The following NRXN1 variants were observed in gnomAD, a reference collection of about 807,000 sequenced individuals.
NRXN1 encodes the protein neurexin-1.
Under a neutral mutation model 150.9 loss-of-function variants are expected in NRXN1, and 39 were observed. The observed-to-expected ratio is 0.26, with a 90% confidence interval of 0.20 to 0.34. The LOEUF (loss-of-function observed/expected upper bound fraction) is 0.34, where lower values mean the gene tolerates loss of function less well. Ranked by LOEUF, NRXN1 falls within the 10% of genes least tolerant of loss-of-function variation. The probability of loss-of-function intolerance (pLI) is 1.00; values close to 1 mark genes in which losing one functional copy is unlikely to be tolerated. For synonymous variants in NRXN1, 924 were observed against 757.0 expected, an observed-to-expected ratio of 1.22 and a Z score of -3.62; for missense variants, 1,815 against 1,949.9, an observed-to-expected ratio of 0.93 and a Z score of 1.30.
chr2:50,540,862 A>G (rs369419161), intron 9 of NRXN1, among the ~76,000 whole-genome samples: 6 of 152,112 alleles, frequency 3.9e-5, no homozygotes, highest in East Asian at 3.9e-4. Flanking sequence ...GAGTTTTGCA[A>G]TGTTGGCCAG....
chr2:50,580,325 C>T (rs886101936), intron 8 of NRXN1, among the ~76,000 whole-genome samples: 2 of 152,222 alleles, frequency 1.3e-5, no homozygotes, highest in African/African-American at 4.8e-5. Context: ...CACCTACATC[C>T]ATAAACAAAG....
intron 17 of NRXN1, among the ~76,000 whole-genome samples, chr2:50,311,979 A>G (rs907267210): frequency 6.6e-6 from 1 of 152,182 alleles, no homozygotes; most frequent in African/African-American, 2.4e-5. Context: ...CTGGGGAATG[A>G]ATGGCAAAAA....
chr2:50,785,428 T>G (rs1704973890), intron 5 of NRXN1, among the ~76,000 whole-genome samples: 1 of 151,888 alleles, frequency 6.6e-6, no homozygotes, highest in Non-Finnish European at 1.5e-5. Flanking sequence ...TTTTGTATTT[T>G]CAGTAGAGAC....
At chr2:51,015,779 G>T (rs1352027770) in intron 2 of NRXN1, among the ~76,000 whole-genome samples, 1 of 151,902 alleles carries the variant, frequency 6.6e-6, no homozygotes, top group African/African-American at 2.4e-5. Context: ...AAAAGAAAAT[G>T]AATGTCTAAT....
chr2:50,551,415 A>C (rs961153267), intron 9 of NRXN1: 3 of 152,258 alleles, frequency 2.0e-5, no homozygotes, highest in African/African-American at 7.2e-5. Context: ...AGGAAGGATA[A>C]GAGGGAAGTA....
chr2:50,476,814 G>A lies in NRXN1; in HGVS notation c.3071-4343C>T, dbSNP rs78150802. On this transcript the variant is annotated intron_variant, in intron 15 of 22. Transcript: ENST00000401669. Reference sequence around the variant, plus strand: ...GCTCCTTTGACTTAATTTGAAATTCGGTGGCATTGAATCTGGTAATATAAA... The same window carrying A: ...GCTCCTTTGACTTAATTTGAAATTCAGTGGCATTGAATCTGGTAATATAAA... Among the ~76,000 whole-genome samples, 500 of 152,096 alleles carry A rather than the reference G, an allele frequency of 3.3e-3. 4 individuals are homozygous for A. The highest frequency in any genetic ancestry group is 0.012 in the African/African-American group (479 of 41,494).
chr2:50,031,201 C>T (rs77714474), intron 21 of NRXN1, among the ~76,000 whole-genome samples: 2,401 of 152,068 alleles, frequency 0.016, 53 homozygotes, highest in African/African-American at 0.055. Context: ...CTAAAGTATA[C>T]AATTTTATGA....
At chr2:50,483,086 C>T (rs2090601411) in intron 15 of NRXN1, among the ~76,000 whole-genome samples, 1 of 148,926 alleles carries the variant, frequency 6.7e-6, no homozygotes. Flanking sequence ...AATCTGGCCA[C>T]CAAAACCAAG....
chr2:50,204,746 T>C (rs1279216847), intron 18 of NRXN1, among the ~76,000 whole-genome samples: 1 of 151,846 alleles, frequency 6.6e-6, no homozygotes, highest in Non-Finnish European at 1.5e-5. Context: ...GGCCAAAGAG[T>C]GGGTGAGAAA....
intron 2 of NRXN1, among the ~76,000 whole-genome samples, chr2:50,951,669 T>C (rs1221276723): frequency 6.6e-6 from 1 of 152,054 alleles, no homozygotes; most frequent in African/African-American, 2.4e-5. Context: ...GCTCCATTAG[T>C]GTGCAAATGT....
At chr2:50,505,332 A>C (rs2092165862) in intron 13 of NRXN1, among the ~76,000 whole-genome samples, 2 of 152,126 alleles carry the variant, frequency 1.3e-5, no homozygotes, top group African/African-American at 2.4e-5. Flanking sequence ...CTCATCTACA[A>C]AATGGGAATA....
intron 21 of NRXN1, among the ~76,000 whole-genome samples, chr2:50,008,032 T>C (rs969671837): frequency 6.6e-6 from 1 of 152,186 alleles, no homozygotes; most frequent in African/African-American, 2.4e-5. Flanking sequence ...ATTAACAACA[T>C]GATGACAAAA....
chr2:50,622,954 C>G (rs539358439), intron 6 of NRXN1, among the ~76,000 whole-genome samples: 12 of 152,028 alleles, frequency 7.9e-5, no homozygotes, highest in Admixed American at 2.0e-4. Context: ...CTTAATGACC[C>G]CAATGTGCAT....
rs80186988 is a variant in NRXN1, at chr2:50,209,435, G to A, written c.3546+27354C>T. On this transcript the variant is annotated intron_variant, in intron 18 of 22. Coordinates refer to ENST00000401669, the MANE Select transcript of NRXN1 (RefSeq NM_001330078.2). ...CAGGATTACAGTCTAACTCCATGAC[G>A]TGGGTAGTATTGGAGCCTTCATTTT... Among the ~76,000 whole-genome samples the A allele has an allele frequency of 2.1e-3, 315 of 152,240 alleles. 1 individual carries two copies. Among genetic ancestry groups the A allele is most frequent in the African/African-American group, 7.4e-3 (306 of 41,586 alleles).
At chr2:50,174,735 C>T (rs577752797) in intron 18 of NRXN1, 2 of 152,008 alleles carry the variant, frequency 1.3e-5, no homozygotes, top group South Asian at 2.1e-4. Flanking sequence ...AAATAAATTA[C>T]TATATGTCAA....
chr2:50,198,564 T>A (rs1364436601), intron 18 of NRXN1, among the ~76,000 whole-genome samples: 9 of 152,284 alleles, frequency 5.9e-5, no homozygotes, highest in East Asian at 1.9e-4. Flanking sequence ...TAAAGGCAAC[T>A]CAATGATTTT....
At chr2:49,951,710 TC>T (rs1463891254) in intron 21 of NRXN1, among the ~76,000 whole-genome samples, 1 of 152,052 alleles carries the variant, frequency 6.6e-6, no homozygotes, top group Non-Finnish European at 1.5e-5. Context: ...GAATATCTAG[TC>T]CTATTATGGA....
At chr2:50,429,816 T>C (rs983381668) in intron 17 of NRXN1, among the ~76,000 whole-genome samples, 3 of 152,126 alleles carry the variant, frequency 2.0e-5, no homozygotes, top group African/African-American at 7.2e-5. Context: ...ATTGTGGGCA[T>C]AATGGAATAA....
chr2:50,744,923 CA>C (rs1699837591), intron 5 of NRXN1, among the ~76,000 whole-genome samples: 1 of 152,028 alleles, frequency 6.6e-6, no homozygotes. Flanking sequence ...ATAACTGAAT[CA>C]TAATTTTCTG....
Sources: allele counts gnomAD v4.1 joint callset (sites outside exome capture counted in the v4.1 genomes callset), GRCh38; gene constraint gnomAD v4.1.1; transcripts MANE v1.5; gene names NCBI Gene and HGNC (gene_info 2026-07-23, HGNC 2026-07-21).